Variants in RPS6KA2 observed in about 807,000 individuals in gnomAD.
RPS6KA2 encodes the protein ribosomal protein S6 kinase alpha-2.
A neutral mutation model predicts 91.8 loss-of-function variants in RPS6KA2; 42 were observed. The observed-to-expected ratio is 0.46, with a 90% CI of 0.36 to 0.59. The LOEUF (loss-of-function observed/expected upper bound fraction) is 0.59, where lower values mean the gene tolerates loss of function less well. RPS6KA2 is among the 20% of genes least tolerant of loss of function. The probability of loss-of-function intolerance (pLI) is 0.00; values close to 1 mark genes in which losing one functional copy is unlikely to be tolerated. For missense variants in RPS6KA2, 798 were observed against 978.5 expected (o/e 0.82, Z 2.46); for synonymous variants, 414 against 393.6 (o/e 1.05, Z -0.61).
intron 6 of RPS6KA2, among the ~76,000 whole-genome samples, chr6:166,502,247 A>C (rs1370545450): frequency 6.6e-6 from 1 of 152,246 alleles, no homozygotes; most frequent in African/African-American, 2.4e-5. Context: ...AATCTGCCAC[A>C]GAGTTAAAAA....
intron 2 of RPS6KA2, among the ~76,000 whole-genome samples, chr6:166,649,324 C>T (rs1562364106): frequency 6.6e-6 from 1 of 152,204 alleles, no homozygotes; most frequent in South Asian, 2.1e-4. Context: ...TGCATTTCCT[C>T]ATTTCCCATT....
Position 166,831,891 on chromosome 6 carries a change from GGATA to G in RPS6KA2, c.123+26305_123+26308del, listed in dbSNP as rs575707871. ...CATAGATGATAGACAGATGATAGAT[GGATA>G]GATAGATGATGGATGGATAGATAGA... On this transcript the variant is annotated intron_variant, in intron 2 of 21. Coordinates refer to the RPS6KA2 transcript ENST00000503859. Among the ~76,000 whole-genome samples the G allele has an allele frequency of 1.5e-3, 164 of 110,264 alleles. 5 individuals are homozygous for G. The highest frequency in any genetic ancestry group is 8.4e-3 in the Admixed American group (93 of 11,062). The allele number at this position is 110,264 out of a possible 152,430, so 72.3% of individuals were successfully genotyped here.
In RPS6KA2 at chr6:166,740,399, C is replaced by G. The variant is rs575827804; in HGVS notation, c.123+117801G>C. ...AAGTAGCAGAGAGGAAAACAGACTC[C>G]TCAAAGATCAGCTGTGCAATTAATC... On this transcript the variant is annotated intron_variant, in intron 2 of 21. Coordinates refer to the RPS6KA2 transcript ENST00000503859. Among the ~76,000 whole-genome samples the G allele has an allele frequency of 2.6e-5, 4 of 152,302 alleles. No individual in the cohort carries two copies. In the South Asian group the frequency reaches 8.3e-4, roughly 32 times the overall value.
intron 2 of RPS6KA2, among the ~76,000 whole-genome samples, chr6:166,537,176 G>A (rs1310373862): frequency 6.6e-6 from 1 of 152,272 alleles, no homozygotes; most frequent in African/African-American, 2.4e-5. Flanking sequence ...CGATTCGGCT[G>A]ATTCTGTGCT....
In RPS6KA2 at chr6:166,418,264, A is replaced by C. The variant is rs1178115429; in HGVS notation, c.1899T>G (p.Leu633=). Residue 633 remains leucine (L), a synonymous_variant, in exon 19 of 21, where the codon CTT becomes CTG. Transcript: ENST00000265678. This position sits in a 1 kb window ranked among gnomAD's most constrained non-coding sequence, Gnocchi z 4.9. ...LARIGSGKYA[L]SGGNWDSISD... ...ATATCGAGTCCCAGTTTCCCCCAGA[A>C]AGGGCATACTTCCCACTGCCGATCC... 6.2e-7 allele frequency: 1 copy of C among 1,613,922 alleles called. No individual in the cohort carries two copies. Among genetic ancestry groups the C allele is most frequent in the South Asian group, 1.1e-5 (1 of 91,054 alleles).
At chr6:166,779,442 A>AC (rs1247525725) in intron 2 of RPS6KA2, among the ~76,000 whole-genome samples, 2 of 151,900 alleles carry the variant, frequency 1.3e-5, no homozygotes, top group African/African-American at 2.4e-5. Flanking sequence ...ATGCTCAGGG[A>AC]CCCCCGGGCT....
intron 19 of RPS6KA2, among the ~76,000 whole-genome samples, chr6:166,414,516 G>C (rs1397827394): frequency 2.6e-5 from 4 of 152,208 alleles, no homozygotes; most frequent in Non-Finnish European, 5.9e-5. Flanking sequence ...ATACAATACA[G>C]TGCACATTCT....
intron 3 of RPS6KA2, among the ~76,000 whole-genome samples, chr6:166,513,692 G>T (rs1449351943): frequency 6.6e-6 from 1 of 152,194 alleles, no homozygotes; most frequent in African/African-American, 2.4e-5. Context: ...GGAGGAAAAG[G>T]GGGAAGCAAG....
Position 166,770,788 on chromosome 6 carries a change from T to C in RPS6KA2, c.123+87412A>G. 7.2e-7 allele frequency: 1 copy of C among 1,394,358 alleles called. No homozygotes were observed. Among genetic ancestry groups the C allele is most frequent in the Non-Finnish European group, 9.8e-7 (1 of 1,022,078 alleles). 86.4% of individuals were successfully genotyped at this position (1,394,358 alleles called of 1,614,324 possible). A position where few individuals can be genotyped will look rare whatever the true frequency, so the allele number is the denominator to read the frequency against. On this transcript the variant is annotated intron_variant, in intron 2 of 21. Coordinates refer to the RPS6KA2 transcript ENST00000503859. This position sits in a 1 kb window ranked among gnomAD's most constrained non-coding sequence, Gnocchi z 5.1. ...AACAACTCAATAAATTGAAAAAGAC[T>C]TCATGTTTAACTTAAAAAAAAAATG...
At chr6:166,430,015 T>C (rs1038895846) in intron 16 of RPS6KA2, among the ~76,000 whole-genome samples, 1 of 151,420 alleles carries the variant, frequency 6.6e-6, no homozygotes, top group Non-Finnish European at 1.5e-5. Flanking sequence ...TGGAGTGCAA[T>C]GGTGCTATCT....
At chr6:166,443,500 A>G (rs534991549) in intron 14 of RPS6KA2, among the ~76,000 whole-genome samples, 56 of 152,320 alleles carry the variant, frequency 3.7e-4, no homozygotes, top group Admixed American at 7.8e-4. Context: ...GCTATTCCCA[A>G]TTCCCTGGAG....
intron 1 of RPS6KA2, among the ~76,000 whole-genome samples, chr6:166,584,932 T>TCC (rs953618666): frequency 1.3e-5 from 2 of 152,220 alleles, no homozygotes; most frequent in African/African-American, 4.8e-5. Flanking sequence ...TATTTTAAGA[T>TCC]CCCGAGGGGG....
chr6:166,437,178 G>T lies in RPS6KA2; in HGVS notation c.1333-4688C>A, dbSNP rs1779350975. Among the ~76,000 whole-genome samples, 1 of 152,058 alleles carries T rather than the reference G, an allele frequency of 6.6e-6. No individual in the cohort carries two copies. The highest frequency in any genetic ancestry group is 2.4e-5 in the African/African-American group (1 of 41,396). On this transcript the variant is annotated intron_variant, in intron 14 of 20. Transcript: ENST00000265678. The surrounding 1 kb of genome is among the most constrained non-coding windows in gnomAD (Gnocchi z 4.3). ...ACCTGGATCTGCTGCGGGCAGCCGG[G>T]GTTTGGACACACTGTTTAGGAGCAC...
chr6:166,424,028 C>A (rs896824588), intron 16 of RPS6KA2: 1 of 152,432 alleles, frequency 6.6e-6, no homozygotes, highest in Non-Finnish European at 1.5e-5. Flanking sequence ...ATTTAGGGCA[C>A]AAAGCAATGT....
At chr6:166,452,214 A>T (rs1160761312) in intron 12 of RPS6KA2, among the ~76,000 whole-genome samples, 1 of 152,206 alleles carries the variant, frequency 6.6e-6, no homozygotes, top group Non-Finnish European at 1.5e-5. Flanking sequence ...TCTTCTGGAA[A>T]GTCAACTGGC....
At chr6:166,797,346 T>C (rs1230308791) in intron 2 of RPS6KA2, among the ~76,000 whole-genome samples, 2 of 152,230 alleles carry the variant, frequency 1.3e-5, no homozygotes, top group Middle Eastern at 3.4e-3. Flanking sequence ...GACATATAGT[T>C]GATCCTTGAA....
intron 2 of RPS6KA2, among the ~76,000 whole-genome samples, chr6:166,851,118 C>T (rs2128632292): frequency 6.6e-6 from 1 of 152,314 alleles, no homozygotes; most frequent in African/African-American, 2.4e-5. Flanking sequence ...GGAAAACTAA[C>T]AGACCTCCTG....
chr6:166,521,332 C>T (rs1388845561), intron 3 of RPS6KA2, among the ~76,000 whole-genome samples: 1 of 152,216 alleles, frequency 6.6e-6, no homozygotes, highest in African/African-American at 2.4e-5. Flanking sequence ...AACCCCTGCC[C>T]TGCAAAGCTC....
chr6:166,528,924 G>C (rs1340119876), intron 3 of RPS6KA2, among the ~76,000 whole-genome samples: 2 of 152,316 alleles, frequency 1.3e-5, no homozygotes, highest in Admixed American at 6.5e-5. Context: ...GGAAACAACA[G>C]GTGCTGGAGA....
Sources: gnomAD v4.1 joint callset for allele counts (sites outside exome capture counted in the v4.1 genomes callset) on GRCh38, gnomAD v4.1.1 for gene constraint, Gnocchi (gnomAD v3.1) non-coding constraint, MANE v1.5 for transcripts, NCBI Gene and HGNC (gene_info 2026-07-23, HGNC 2026-07-21) for gene names.